Variants in PCSK6 observed in about 807,000 individuals in gnomAD.
PCSK6 encodes proprotein convertase subtilisin/kexin type 6, also known as paired basic amino acid cleaving enzyme 4.
In PCSK6, 85 loss-of-function variants were observed where a neutral mutation model predicts 123.3. That is an observed-to-expected ratio of 0.69 (90% CI 0.58 to 0.83). The LOEUF (loss-of-function observed/expected upper bound fraction) is 0.83. Among genes scored for constraint, PCSK6 ranks in the 40% least tolerant of loss-of-function variants. The pLI is 0.00. For missense variants in PCSK6, 1,191 were observed against 1,282.3 expected (o/e 0.93, Z 1.09); for synonymous variants, 508 against 516.0 (o/e 0.98, Z 0.21).
intron 1 of PCSK6, among the ~76,000 whole-genome samples, chr15:101,454,980 G>GAATGAATGAATAAATAAATAAATA (rs1322359266): frequency 2.0e-4 from 20 of 97,936 alleles, no homozygotes; most frequent in African/African-American, 7.0e-4. Flanking sequence ...ATGAATGAAT[G>GAATGAATGAATAAATAAATAAATA]AATAAATAAA....
At chr15:101,391,175 G>A (rs891699094) in intron 8 of PCSK6, among the ~76,000 whole-genome samples, 5 of 152,126 alleles carry the variant, frequency 3.3e-5, no homozygotes, top group Admixed American at 6.5e-5. Flanking sequence ...TGAGGGCATG[G>A]GAAAAGGGAC....
At chr15:101,415,215 C>T (rs189072253) in intron 6 of PCSK6, among the ~76,000 whole-genome samples, 72 of 152,284 alleles carry the variant, frequency 4.7e-4, no homozygotes, top group African/African-American at 1.7e-3. Context: ...AGAAAGACTC[C>T]AGAACTTCTG....
chr15:101,485,428 CT>C (rs1252812564), intron 1 of PCSK6, among the ~76,000 whole-genome samples: 1 of 152,084 alleles, frequency 6.6e-6, no homozygotes, highest in Non-Finnish European at 1.5e-5. Flanking sequence ...GAATTTTTAT[CT>C]TAATGTATCA....
chr15:101,346,041 A>G (rs756262459), intron 13 of PCSK6, among the ~76,000 whole-genome samples: 1 of 152,236 alleles, frequency 6.6e-6, no homozygotes, highest in Non-Finnish European at 1.5e-5. Context: ...TAATGATCAC[A>G]ATGTAAGTTA....
intron 13 of PCSK6, among the ~76,000 whole-genome samples, chr15:101,361,308 C>T (rs991650879): frequency 9.9e-5 from 11 of 111,358 alleles, no homozygotes; most frequent in Non-Finnish European, 1.6e-4. Flanking sequence ...TCTATCAGTG[C>T]TAAGAGTAAG....
intron 1 of PCSK6, among the ~76,000 whole-genome samples, chr15:101,477,898 T>C (rs2057772180): frequency 6.6e-6 from 1 of 152,210 alleles, no homozygotes; most frequent in Admixed American, 6.5e-5. Flanking sequence ...TTGCCTTCAT[T>C]CCTGCATAGA....
chr15:101,384,828 T>C (rs917002320), intron 9 of PCSK6, among the ~76,000 whole-genome samples: 3 of 152,238 alleles, frequency 2.0e-5, no homozygotes, highest in Admixed American at 6.5e-5. Context: ...CAAACCACGA[T>C]TGGCCGAGAT....
At chr15:101,353,990 A>T (rs1049512137) in intron 13 of PCSK6, among the ~76,000 whole-genome samples, 2 of 152,216 alleles carry the variant, frequency 1.3e-5, no homozygotes, top group African/African-American at 2.4e-5. Context: ...TGTTTCGTTT[A>T]ATCCTCCCAC....
chr15:101,347,100 G>A, intron 13 of PCSK6: 1 of 1,231,716 alleles, frequency 8.1e-7, no homozygotes, highest in Non-Finnish European at 1.0e-6. Context: ...TGTTTCCAAG[G>A]AAGTGGGAGT....
At chr15:101,423,216 AAG>A (rs2056141286) in intron 6 of PCSK6, among the ~76,000 whole-genome samples, 1 of 152,210 alleles carries the variant, frequency 6.6e-6, no homozygotes, top group Non-Finnish European at 1.5e-5. Flanking sequence ...ACAGTAAAAA[AAG>A]AGTCAAATGG....
Position 101,331,667 on chromosome 15 carries a change from A to G in PCSK6, c.2061T>C (p.Ala687=). Residue 687 remains alanine, a synonymous_variant, in exon 15 of 22, where the codon GCT becomes GCC. Coordinates refer to ENST00000611716, the MANE Select transcript of PCSK6 (RefSeq NM_002570.5). The part of the protein sequence containing the change: ...DYTAQSTPGS[A]NILQTSVCHP... ...CATACTTACTGGTCTGTAAAATATT[A>G]GCAGAGCCTGGGGTGGATTGAGCTG... The G allele has an allele frequency of 6.2e-7, 1 of 1,613,662 alleles. No individual in the cohort carries two copies. The highest frequency in any genetic ancestry group is 8.5e-7 in the Non-Finnish European group (1 of 1,179,680).
intron 1 of PCSK6, among the ~76,000 whole-genome samples, chr15:101,480,217 G>A (rs1041301681): frequency 6.6e-6 from 1 of 152,240 alleles, no homozygotes; most frequent in Admixed American, 6.5e-5. Flanking sequence ...GACTCTAGAA[G>A]TGATGGATGC....
intron 13 of PCSK6, chr15:101,347,046 T>C: frequency 8.1e-7 from 1 of 1,231,680 alleles, no homozygotes; most frequent in Non-Finnish European, 1.0e-6. Flanking sequence ...TTGACAACAG[T>C]GTGTATGGTG....
At chr15:101,430,340 C>A (rs1208157089) in intron 4 of PCSK6, among the ~76,000 whole-genome samples, 1 of 152,176 alleles carries the variant, frequency 6.6e-6, no homozygotes. Context: ...TGCAAAACCC[C>A]ACACCCACTC....
Position 101,393,327 on chromosome 15 carries a change from T to A in PCSK6, c.1094A>T (p.Tyr365Phe), listed in dbSNP as rs994266119. 3.7e-6 allele frequency: 6 copies of A among 1,611,202 alleles called. No individual in the cohort carries two copies. Among genetic ancestry groups the A allele is most frequent in the Non-Finnish European group, 4.2e-6 (5 of 1,178,672 alleles). The change falls in exon 8 of 22, where the codon TAC becomes TTC. Residue 365 changes from tyrosine to phenylalanine, a missense_variant. By Grantham distance (22) the Tyr-to-Phe change is conservative. Around this residue, in one of 3 missense-constraint regions of PCSK6, gnomAD observed 357 missense variants for 484.5 expected, o/e 0.74. Transcript: ENST00000611716. ...GGTGGCGCTGCTGACGGAGATGGTGTAGATGCTGTTGGTGTAGCCATCGCA... is the reference window on the plus strand; with the variant it reads ...GGTGGCGCTGCTGACGGAGATGGTGAAGATGCTGTTGGTGTAGCCATCGCA... ...CSCDGYTNSI[Y>F]TISVSSATEN...
chr15:101,316,605 A>T (rs1395496568), intron 19 of PCSK6, among the ~76,000 whole-genome samples: 1 of 152,246 alleles, frequency 6.6e-6, no homozygotes, highest in East Asian at 1.9e-4. Flanking sequence ...CTGCTGGGGA[A>T]ATCTGCTGAG....
chr15:101,314,661 A>T (rs1294948319), intron 19 of PCSK6, among the ~76,000 whole-genome samples: 2 of 152,194 alleles, frequency 1.3e-5, no homozygotes, highest in Non-Finnish European at 2.9e-5. Flanking sequence ...CTGGGAGGGA[A>T]TTCTGAGCTC....
chr15:101,429,249 C>CAA (rs1313906301), intron 5 of PCSK6, among the ~76,000 whole-genome samples: 1 of 152,108 alleles, frequency 6.6e-6, no homozygotes, highest in Non-Finnish European at 1.5e-5. Flanking sequence ...AAAGAGACAG[C>CAA]AAATGAATTC....
intron 11 of PCSK6, among the ~76,000 whole-genome samples, chr15:101,371,322 C>T (rs1018347503): frequency 2.0e-5 from 3 of 152,150 alleles, no homozygotes; most frequent in Non-Finnish European, 2.9e-5. Flanking sequence ...TTGGCCAGCT[C>T]GTTTCTCAGT....
Sources: allele counts gnomAD v4.1 joint callset (sites outside exome capture counted in the v4.1 genomes callset), GRCh38; gene constraint gnomAD v4.1.1; regional missense constraint gnomAD v4.1.1; transcripts MANE v1.5; gene names NCBI Gene and HGNC (gene_info 2026-07-23, HGNC 2026-07-21).